ADGRF1: variants seen among roughly 807,000 people sequenced by gnomAD.
ADGRF1 encodes G protein-coupled receptor 110.
ADGRF1 carries 85 observed loss-of-function variants against 87.2 expected under a neutral mutation model. The observed-to-expected ratio is 0.97, with a 90% confidence interval of 0.82 to 1.17. The LOEUF (loss-of-function observed/expected upper bound fraction) is 1.17, where lower values mean the gene tolerates loss of function less well. ADGRF1 is among the 50% of genes most tolerant of loss of function. The probability of loss-of-function intolerance (pLI) is 0.00; values close to 1 mark genes in which losing one functional copy is unlikely to be tolerated. For missense variants in ADGRF1, 1,169 were observed against 1,077.2 expected (o/e 1.09, Z -1.19); for synonymous variants, 430 against 408.8 (o/e 1.05, Z -0.63).
At position 47,008,984 on chromosome 6, in the gene ADGRF1, C is replaced by G. The variant is rs1202293573; in HGVS notation, c.2451G>C (p.Leu817=). Residue 817 remains leucine, a synonymous_variant, in exon 11 of 15, where the codon CTG becomes CTC. Transcript: ENST00000371253. ...GTAAAGCAAAAATAACATGCCAAGC[C>G]AGATTCTGGCTGTCCACTATTGTTC... is the stretch of plus-strand genomic sequence containing the variant. ...GIGTIVDSQN[L]AWHVIFALLN... The G allele has an allele frequency of 6.2e-7, 1 of 1,608,460 alleles. No homozygotes were observed. Among genetic ancestry groups the G allele is most frequent in the Admixed American group, 1.7e-5 (1 of 59,650 alleles).
intron 10 of ADGRF1, 123 bp from the exon 11 acceptor site, chr6:47,010,441 A>G: frequency 2.5e-6 from 2 of 804,910 alleles, no homozygotes; most frequent in Non-Finnish European, 1.9e-6. Context: ...GTCACGAACC[A>G]CATTAAAACT....
intron 5 of ADGRF1, among the ~76,000 whole-genome samples, chr6:47,022,793 T>C (rs1358897272): frequency 1.4e-5 from 2 of 142,934 alleles, no homozygotes; most frequent in African/African-American, 5.6e-5. Context: ...CCTTTCTTTC[T>C]TTTCTTTTTT....
At chr6:47,038,059 C>T (rs1230121378) in intron 1 of ADGRF1, among the ~76,000 whole-genome samples, 15 of 152,126 alleles carry the variant, frequency 9.9e-5, no homozygotes, top group Admixed American at 9.8e-4. Context: ...TGTGGTTTCA[C>T]CATGTTGGCC....
intron 9 of ADGRF1, 118 bp from the exon 10 acceptor site, chr6:47,012,313 T>C (rs955967868): frequency 2.7e-6 from 4 of 1,467,962 alleles, no homozygotes; most frequent in East Asian, 2.4e-5. Flanking sequence ...TAATGTAGGA[T>C]AATTACATAA....
At chr6:47,011,071 A>G (rs1456121601) in intron 10 of ADGRF1, among the ~76,000 whole-genome samples, 1 of 152,110 alleles carries the variant, frequency 6.6e-6, no homozygotes, top group Non-Finnish European at 1.5e-5. Flanking sequence ...ATGATGTTCT[A>G]CTTCTACTGC....
At chr6:47,015,882 G>T (rs1315609308) in intron 8 of ADGRF1, among the ~76,000 whole-genome samples, 1 of 151,836 alleles carries the variant, frequency 6.6e-6, no homozygotes, top group African/African-American at 2.4e-5. Flanking sequence ...ACAGGCTTTA[G>T]CCACTGCACT....
chr6:47,040,589 T>C (rs1780711652), intron 1 of ADGRF1, among the ~76,000 whole-genome samples: 1 of 151,824 alleles, frequency 6.6e-6, no homozygotes, highest in African/African-American at 2.4e-5. Context: ...TTAAGCAAAA[T>C]TGTGAATTCA....
At chr6:47,029,206 G>C (rs576496928) in intron 1 of ADGRF1, 102 bp from the exon 2 acceptor site, 3 of 644,606 alleles carry the variant, frequency 4.7e-6, no homozygotes, top group South Asian at 1.8e-5. Context: ...GAGCTGATCC[G>C]AACCCCTGGG....
At position 46,998,287 on chromosome 6, in the gene ADGRF1, C is replaced by T. The variant is rs968234483; in HGVS notation, c.*1935G>A. The T allele has an allele frequency of 3.3e-5, 5 of 152,198 alleles. No individual in the cohort carries two copies. Among genetic ancestry groups the T allele is most frequent in the African/African-American group, 1.2e-4 (5 of 41,448 alleles). 9.4% of individuals were successfully genotyped at this position (152,198 alleles called of 1,614,324 possible). Reference sequence around the variant, plus strand: ...AGAAATTCTCATAGCCCTGACTTCTCATCTTTAGCTTGTGTAGATTTTTTT... The same window carrying T: ...AGAAATTCTCATAGCCCTGACTTCTTATCTTTAGCTTGTGTAGATTTTTTT... On this transcript the variant is annotated 3_prime_UTR_variant, in exon 15 of 15. Coordinates refer to ENST00000371253, the MANE Select transcript of ADGRF1 (RefSeq NM_153840.4).
chr6:47,012,672 G>A (rs1170460101), intron 9 of ADGRF1: 18 of 985,970 alleles, frequency 1.8e-5, no homozygotes, highest in African/African-American at 3.5e-5. Flanking sequence ...TGTTCACCAC[G>A]CTACACTGAG....
Position 47,000,005 on chromosome 6 carries a change from A to C in ADGRF1, c.*217T>G. Reference sequence around the variant, plus strand: ...ACCTACTCTTCTGCATTTATGGAGCACTTTCTTTGAATCAAATCACATGGA... The same window carrying C: ...ACCTACTCTTCTGCATTTATGGAGCCCTTTCTTTGAATCAAATCACATGGA... On this transcript the variant is annotated 3_prime_UTR_variant, in exon 15 of 15. Transcript: ENST00000371253. 2.1e-6 allele frequency: 1 copy of C among 470,104 alleles called. No individual in the cohort carries two copies. Among genetic ancestry groups the C allele is most frequent in the Non-Finnish European group, 3.8e-6 (1 of 259,954 alleles). 29.1% of individuals were successfully genotyped at this position (470,104 alleles called of 1,614,324 possible).
intron 3 of ADGRF1, among the ~76,000 whole-genome samples, chr6:47,027,209 A>G (rs1377002778): frequency 6.6e-6 from 1 of 152,224 alleles, no homozygotes; most frequent in African/African-American, 2.4e-5. Flanking sequence ...TCATTTTCCC[A>G]AAGAAGTATA....
intron 1 of ADGRF1, among the ~76,000 whole-genome samples, chr6:47,036,873 A>G (rs1780602945): frequency 6.6e-6 from 1 of 152,202 alleles, no homozygotes. Context: ...ATTCTACACC[A>G]TACAGAATGA....
At chr6:47,015,259 T>C (rs1779834184) in intron 8 of ADGRF1, among the ~76,000 whole-genome samples, 1 of 152,266 alleles carries the variant, frequency 6.6e-6, no homozygotes, top group Admixed American at 6.5e-5. Context: ...GATGGGCAGT[T>C]GCTATTTGTG....
chr6:47,031,439 G>A (rs1391531270), intron 1 of ADGRF1, among the ~76,000 whole-genome samples: 2 of 150,840 alleles, frequency 1.3e-5, no homozygotes, highest in Non-Finnish European at 2.9e-5. Flanking sequence ...TGTAAAGGCA[G>A]CTTGAGAAAG....
chr6:47,030,063 T>C (rs73480755), intron 1 of ADGRF1, among the ~76,000 whole-genome samples: 2,629 of 152,248 alleles, frequency 0.017, 81 homozygotes, highest in African/African-American at 0.06. Flanking sequence ...GTACACAGAG[T>C]AGGGCTCTCC....
intron 1 of ADGRF1, among the ~76,000 whole-genome samples, chr6:47,040,414 G>A (rs1030452653): frequency 1.6e-4 from 25 of 152,148 alleles, no homozygotes; most frequent in Non-Finnish European, 2.4e-4. Flanking sequence ...GGAGCTTGCA[G>A]TGAGCCGAGA....
At chr6:47,028,127 C>G (rs1278712988) in intron 2 of ADGRF1, among the ~76,000 whole-genome samples, 1 of 152,062 alleles carries the variant, frequency 6.6e-6, no homozygotes, top group Non-Finnish European at 1.5e-5. Flanking sequence ...TAGCTTTGAA[C>G]AGGGGAAAAA....
In ADGRF1 at chr6:47,022,067, A is replaced by C. The variant is rs1374398125; in HGVS notation, c.452-9T>G. On this transcript the variant is annotated splice_polypyrimidine_tract_variant and intron_variant, in intron 5 of 14. Transcript: ENST00000371253. ...GAAAGTGCCCCAAATCTCTGTAGGA[A>C]ATAAAAATAAGTTTATAGACATAAT... The C allele has an allele frequency of 6.9e-7, 1 of 1,457,984 alleles. No individual in the cohort carries two copies. Among genetic ancestry groups the C allele is most frequent in the Non-Finnish European group, 9.4e-7 (1 of 1,063,882 alleles). The allele number at this position is 1,457,984 out of a possible 1,614,324, so 90.3% of individuals were successfully genotyped here.
Sources: gnomAD v4.1 joint callset for allele counts (sites outside exome capture counted in the v4.1 genomes callset) on GRCh38, gnomAD v4.1.1 for gene constraint, MANE v1.5 for transcripts, NCBI Gene and HGNC (gene_info 2026-07-23, HGNC 2026-07-21) for gene names.